The following GPR137C variants were observed in gnomAD, a reference collection of about 807,000 sequenced individuals.
GPR137C encodes G protein-coupled receptor 137C, also known as integral membrane protein GPR137C.
A neutral mutation model predicts 43.4 loss-of-function variants in GPR137C; 27 were observed. The observed-to-expected ratio is 0.62, with a 90% CI of 0.46 to 0.86. GPR137C has a LOEUF of 0.86. Among genes scored for constraint, GPR137C ranks in the 40% least tolerant of loss-of-function variants. The pLI, the probability that GPR137C is intolerant of heterozygous loss-of-function variation, is 0.00. For missense variants in GPR137C, 522 were observed against 534.6 expected (o/e 0.98, Z 0.23); for synonymous variants, 285 against 226.9 (o/e 1.26, Z -2.30).
At chr14:52,623,616 G>C (rs1247520788) in intron 3 of GPR137C, among the ~76,000 whole-genome samples, 2 of 152,148 alleles carry the variant, frequency 1.3e-5, no homozygotes, top group Non-Finnish European at 2.9e-5. Flanking sequence ...TTCTGTTACA[G>C]AAGACACAAT....
At chr14:52,563,347 T>C (rs2038314895) in intron 1 of GPR137C, among the ~76,000 whole-genome samples, 2 of 150,346 alleles carry the variant, frequency 1.3e-5, no homozygotes, top group Admixed American at 6.7e-5. Flanking sequence ...CTCACACTTA[T>C]CTCCGATCCT....
At chr14:52,566,111 A>G (rs1444353621) in intron 1 of GPR137C, among the ~76,000 whole-genome samples, 3 of 152,240 alleles carry the variant, frequency 2.0e-5, no homozygotes, top group Non-Finnish European at 4.4e-5. Flanking sequence ...AGAGTTATAC[A>G]TAACACGTTA....
chr14:52,599,745 A>G (rs1049505532), intron 2 of GPR137C, among the ~76,000 whole-genome samples: 2 of 152,196 alleles, frequency 1.3e-5, no homozygotes, highest in African/African-American at 4.8e-5. Context: ...AACTCTTAAA[A>G]TTAATATTTT....
intron 3 of GPR137C, among the ~76,000 whole-genome samples, chr14:52,628,667 G>C (rs1405002999): frequency 6.6e-6 from 1 of 151,930 alleles, no homozygotes; most frequent in African/African-American, 2.4e-5. Context: ...GTGGTGGCAG[G>C]CACCTGTAAT....
At chr14:52,615,954 T>G (rs2039093920) in intron 3 of GPR137C, among the ~76,000 whole-genome samples, 1 of 152,230 alleles carries the variant, frequency 6.6e-6, no homozygotes, top group South Asian at 2.1e-4. Flanking sequence ...ACTCTTTCAT[T>G]TTTTTATTTT....
rs559243199 is a variant in GPR137C at position 52,593,996 on chromosome 14, T to C, written c.445-4276T>C. Among the ~76,000 whole-genome samples the C allele has an allele frequency of 1.3e-4, 20 of 152,370 alleles. No homozygotes were observed. The South Asian group carries it at 4.1e-3, about 32-fold the overall frequency. On this transcript the variant is annotated intron_variant, in intron 1 of 6. Coordinates refer to ENST00000321662, the MANE Select transcript of GPR137C (RefSeq NM_001099652.2). ...CTGTAAATTTCCCTCTACACACTGC[T>C]TTAAATGTGTCCCAGAAATTCTGGT...
chr14:52,579,358 G>T (rs567205235), intron 1 of GPR137C, among the ~76,000 whole-genome samples: 3 of 152,132 alleles, frequency 2.0e-5, no homozygotes, highest in African/African-American at 7.2e-5. Flanking sequence ...ATTTGCCCAG[G>T]GTATGGACTA....
At chr14:52,555,350 C>T (rs1594776391) in intron 1 of GPR137C, among the ~76,000 whole-genome samples, 1 of 151,956 alleles carries the variant, frequency 6.6e-6, no homozygotes, top group Non-Finnish European at 1.5e-5. Context: ...AAATGCACAC[C>T]TAGATGAAAT....
chr14:52,601,976 ATTAT>A (rs1474639714), intron 3 of GPR137C, among the ~76,000 whole-genome samples: 6 of 151,704 alleles, frequency 4.0e-5, no homozygotes, highest in Non-Finnish European at 8.8e-5. Flanking sequence ...CTTATTTATT[ATTAT>A]TTAAAGTTTT....
At chr14:52,562,123 C>G (rs991561945) in intron 1 of GPR137C, among the ~76,000 whole-genome samples, 1 of 151,924 alleles carries the variant, frequency 6.6e-6, no homozygotes, top group Non-Finnish European at 1.5e-5. Context: ...AGAAAAAGAA[C>G]AGGATAAATC....
Position 52,553,029 on chromosome 14 carries a change from C to A in GPR137C, c.-119C>A. ...GACTCCGGGTCCCGTCACGGCGCTT[C>A]CTGGGGTTAGAGGCTGGGGTGGGTG... On this transcript the variant is annotated 5_prime_UTR_variant, in exon 1 of 7. Transcript: ENST00000321662. 4.9e-6 allele frequency: 2 copies of A among 405,836 alleles called. No individual in the cohort carries two copies. The highest frequency in any genetic ancestry group is 6.9e-6 in the Non-Finnish European group (2 of 287,798). 25.1% of individuals were successfully genotyped at this position (405,836 alleles called of 1,614,324 possible).
intron 3 of GPR137C, chr14:52,611,482 T>G: frequency 3.2e-6 from 1 of 311,994 alleles, no homozygotes; most frequent in Non-Finnish European, 4.7e-6. Flanking sequence ...TTGACTAGAT[T>G]TTTGTCATAT....
intron 1 of GPR137C, among the ~76,000 whole-genome samples, chr14:52,573,989 T>C (rs976481240): frequency 1.5e-4 from 23 of 152,132 alleles, no homozygotes; most frequent in Non-Finnish European, 2.8e-4. Context: ...CACTGGTCAT[T>C]AGAGAAATGC....
intron 1 of GPR137C, among the ~76,000 whole-genome samples, chr14:52,574,553 G>A (rs1274913253): frequency 6.6e-6 from 1 of 152,132 alleles, no homozygotes; most frequent in Non-Finnish European, 1.5e-5. Context: ...TCACACACCG[G>A]GGCCTGTCGG....
intron 1 of GPR137C, among the ~76,000 whole-genome samples, chr14:52,561,333 CGTG>C (rs1158509636): frequency 6.6e-6 from 1 of 152,090 alleles, no homozygotes; most frequent in Non-Finnish European, 1.5e-5. Flanking sequence ...AGAAGCCAGG[CGTG>C]GTGGCACAGG....
chr14:52,599,519 C>T (rs1402399872), intron 2 of GPR137C, among the ~76,000 whole-genome samples: 1 of 151,540 alleles, frequency 6.6e-6, no homozygotes, highest in Non-Finnish European at 1.5e-5. Context: ...CTGCAACCTC[C>T]ATCTCCTAGA....
chr14:52,553,787 C>T (rs984979827), intron 1 of GPR137C, among the ~76,000 whole-genome samples, 196 bp downstream of exon 1: 1 of 152,182 alleles, frequency 6.6e-6, no homozygotes, highest in Non-Finnish European at 1.5e-5. Context: ...GGCTTGATTA[C>T]TGAGGGGTTC....
chr14:52,566,574 T>C (rs896790653), intron 1 of GPR137C, among the ~76,000 whole-genome samples: 1 of 152,198 alleles, frequency 6.6e-6, no homozygotes, highest in Non-Finnish European at 1.5e-5. Context: ...GAATGGGACA[T>C]TAAACAGCAG....
At chr14:52,610,688 G>C (rs1222072507) in intron 3 of GPR137C, among the ~76,000 whole-genome samples, 1 of 152,188 alleles carries the variant, frequency 6.6e-6, no homozygotes, top group Non-Finnish European at 1.5e-5. Context: ...GACTGTAGTA[G>C]ATGTTCGGTA....
Sources: gnomAD v4.1 joint callset for allele counts (sites outside exome capture counted in the v4.1 genomes callset) on GRCh38, gnomAD v4.1.1 for gene constraint, MANE v1.5 for transcripts, NCBI Gene and HGNC (gene_info 2026-07-23, HGNC 2026-07-21) for gene names.